The following IRS1 variants were observed in gnomAD, a reference collection of about 807,000 sequenced individuals.
The protein encoded by IRS1 is insulin receptor substrate 1.
Under a neutral mutation model 65.6 loss-of-function variants are expected in IRS1, and 34 were observed. The ratio of observed to expected loss-of-function variants is 0.52; its 90% CI spans 0.39 to 0.69. IRS1 has a LOEUF of 0.69. IRS1 is among the 30% of genes least tolerant of loss of function. The pLI, the probability that IRS1 is intolerant of heterozygous loss-of-function variation, is 0.00. For missense variants in IRS1, 1,641 were observed against 1,720.2 expected (o/e 0.95, Z 0.81); for synonymous variants, 699 against 683.5 (o/e 1.02, Z -0.35).
At chr2:226,772,627 A>ATG (rs1939186096) in intron 1 of IRS1, among the ~76,000 whole-genome samples, 1 of 151,928 alleles carries the variant, frequency 6.6e-6, no homozygotes, top group Admixed American at 6.6e-5. Context: ...CCTTATCAAG[A>ATG]CAGGAAAAAT....
intron 1 of IRS1, among the ~76,000 whole-genome samples, chr2:226,769,371 T>C (rs1020386456): frequency 2.6e-5 from 4 of 152,134 alleles, no homozygotes; most frequent in South Asian, 2.1e-4. Context: ...AAATAATCAG[T>C]GACCGGCAAG....
At position 226,795,453 on chromosome 2, in the gene IRS1, G is replaced by C. The variant is rs199554914; in HGVS notation, c.3286C>G (p.Arg1096Gly). Residue 1096 changes from arginine to glycine, a missense_variant, in exon 1 of 2, where the codon CGG becomes GGG. Arg to Gly is a moderately radical substitution (Grantham distance 125). Transcript: ENST00000305123. ...KVIRADPQGC[R>G]RRHSSETFSS... ...AAAGTCTCGGAGCTATGCCTCCGCC[G>C]GCACCCTTGTGGGTCTGCACGGATC... 2.2e-5 allele frequency: 36 copies of C among 1,613,414 alleles called. No individual in the cohort carries two copies. Among genetic ancestry groups the C allele is most frequent in the Non-Finnish European group, 3.1e-5 (36 of 1,180,038 alleles).
At chr2:226,782,018 T>C (rs902696154) in intron 1 of IRS1, among the ~76,000 whole-genome samples, 18 of 152,266 alleles carry the variant, frequency 1.2e-4, no homozygotes, top group East Asian at 1.2e-3. Context: ...TTTAAAAATG[T>C]AATATTAATA....
intron 1 of IRS1, among the ~76,000 whole-genome samples, chr2:226,756,313 C>T (rs1938800047): frequency 6.6e-6 from 1 of 152,126 alleles, no homozygotes; most frequent in African/African-American, 2.4e-5. Context: ...CATATATGCT[C>T]CTTTGAAGGT....
Position 226,794,805 on chromosome 2 carries a change from A to C in IRS1, c.*21+184T>G, listed in dbSNP as rs1473919178. 6.6e-6 allele frequency among the ~76,000 whole-genome samples: 1 copy of C among 152,062 alleles called. No individual in the cohort carries two copies. The highest frequency in any genetic ancestry group is 2.4e-5 in the African/African-American group (1 of 41,398). On this transcript the variant is annotated intron_variant, in intron 1 of 1. Transcript: ENST00000305123. This position sits in a 1 kb window ranked among gnomAD's most constrained non-coding sequence, Gnocchi z 4.1. ...AAAGCCCTCCTGTGGCTGCTCCTAC[A>C]TGTTTGTTTGACTCTCTGCCAGATG...
intron 1 of IRS1, among the ~76,000 whole-genome samples, chr2:226,737,099 C>G (rs1236872555): frequency 8.1e-6 from 1 of 122,802 alleles, no homozygotes; most frequent in Non-Finnish European, 1.7e-5. Flanking sequence ...CCCCTCCCCC[C>G]ACCCCACAAC....
intron 1 of IRS1, among the ~76,000 whole-genome samples, chr2:226,770,285 A>G (rs1448062506): frequency 6.6e-6 from 1 of 152,214 alleles, no homozygotes; most frequent in East Asian, 1.9e-4. Context: ...AGAATTTTTC[A>G]AAAGAAACTT....
intron 1 of IRS1, among the ~76,000 whole-genome samples, chr2:226,765,477 GGCCC>G (rs1204598628): frequency 6.6e-6 from 1 of 152,106 alleles, no homozygotes; most frequent in Non-Finnish European, 1.5e-5. Flanking sequence ...TTTTTATCGG[GGCCC>G]TGTGGGGAAT....
intron 1 of IRS1, among the ~76,000 whole-genome samples, chr2:226,745,200 T>C (rs902634743): frequency 6.6e-6 from 1 of 152,204 alleles, no homozygotes; most frequent in Non-Finnish European, 1.5e-5. Flanking sequence ...CAGAAGGCCA[T>C]ACACAGGCAG....
At chr2:226,791,787 C>T (rs952358982) in intron 1 of IRS1, among the ~76,000 whole-genome samples, 2 of 151,994 alleles carry the variant, frequency 1.3e-5, no homozygotes, top group African/African-American at 4.8e-5. Flanking sequence ...GCGGCTGTGC[C>T]CGAGGGCGGG....
At chr2:226,766,163 A>AT (rs5839180) in intron 1 of IRS1, among the ~76,000 whole-genome samples, 71 of 4,596 alleles carry the variant, frequency 0.015, 15 homozygotes, top group African/African-American at 0.026. Flanking sequence ...ATATATATAT[A>AT]TTTTTTTTTT....
Position 226,795,530 on chromosome 2 carries a change from C to T in IRS1, c.3209G>A (p.Ser1070Asn). The T allele has an allele frequency of 6.2e-7, 1 of 1,613,354 alleles. No homozygotes were observed. The highest frequency in any genetic ancestry group is 8.5e-7 in the Non-Finnish European group (1 of 1,180,022). The change falls in exon 1 of 2, where the codon AGC (serine) becomes AAC (asparagine). Residue 1070 changes from serine to asparagine, a missense_variant. Physicochemically the swap from Ser to Asn is conservative, Grantham distance 46. Coordinates refer to ENST00000305123, the MANE Select transcript of IRS1 (RefSeq NM_005544.3). Reference protein sequence around the residue: ...LGGPQGPGGMSAFTRVNLSPN... With the variant: ...LGGPQGPGGMNAFTRVNLSPN... The stretch of plus-strand genomic sequence containing the variant: ...ACTGAGGTTCACCCGGGTGAAGGCG[C>T]TCATGCCCCCAGGTCCTTGTGGGCC...
At chr2:226,754,897 A>G (rs1346392290) in intron 1 of IRS1, among the ~76,000 whole-genome samples, 4 of 152,218 alleles carry the variant, frequency 2.6e-5, no homozygotes, top group African/African-American at 4.8e-5. Flanking sequence ...CTCTTATTAT[A>G]TGTCCTCCTA....
At chr2:226,780,482 C>T (rs561004537) in intron 1 of IRS1, among the ~76,000 whole-genome samples, 16 of 152,248 alleles carry the variant, frequency 1.1e-4, no homozygotes, top group South Asian at 6.2e-4. Context: ...TTTCTCATTG[C>T]TTTTGATATC....
chr2:226,766,124 TATATATATA>T, intron 1 of IRS1, among the ~76,000 whole-genome samples: 1 of 3,584 alleles, frequency 2.8e-4, no homozygotes, highest in Non-Finnish European at 5.7e-4. Context: ...CTTAATCTTA[TATATATATA>T]TATATATATA....
chr2:226,733,165 T>C lies in IRS1; in HGVS notation c.*3107A>G, dbSNP rs536141363. The C allele has an allele frequency of 1.4e-4, 21 of 152,342 alleles. No homozygotes were observed. The South Asian group carries it at 3.5e-3, about 26-fold the overall frequency. The allele number at this position is 152,342 out of a possible 1,614,324, so 9.4% of individuals were successfully genotyped here. A position where few individuals can be genotyped will look rare whatever the true frequency, so the allele number is the denominator to read the frequency against. On this transcript the variant is annotated 3_prime_UTR_variant, in exon 2 of 2. Coordinates refer to ENST00000305123, the MANE Select transcript of IRS1 (RefSeq NM_005544.3). ...ATTGAATAAAACAGGGCTTCAGTAT[T>C]GTAAAATACTGTTTCTTACCATACA... is the stretch of plus-strand genomic sequence containing the variant.
rs759315020 is a variant in IRS1 at position 226,797,017 on chromosome 2, G to A, written c.1722C>T (p.Ser574=). The A allele has an allele frequency of 2.6e-5, 42 of 1,604,290 alleles. No individual in the cohort carries two copies. Among genetic ancestry groups the A allele is most frequent in the Admixed American group, 3.3e-5 (2 of 59,734 alleles). ...SGGRLPGHRH[S]AFVPTRSYPE... is the part of the protein sequence containing the mutation. ...GGTAGGAGCGGGTGGGCACGAAGGC[G>A]GAGTGCCTGTGTCCCGGCAGTCGGC... The change falls in exon 1 of 2, where the codon TCC becomes TCT. Residue 574 remains serine, a synonymous_variant. Transcript: ENST00000305123. This position sits in a 1 kb window ranked among gnomAD's most constrained non-coding sequence, Gnocchi z 8.1.
intron 1 of IRS1, among the ~76,000 whole-genome samples, chr2:226,771,628 A>G (rs1279230220): frequency 6.6e-6 from 1 of 151,986 alleles, no homozygotes; most frequent in Non-Finnish European, 1.5e-5. Flanking sequence ...TACATATAAT[A>G]TACTTAAACA....
intron 1 of IRS1, among the ~76,000 whole-genome samples, chr2:226,777,136 C>A (rs1172799422): frequency 6.6e-6 from 1 of 152,110 alleles, no homozygotes; most frequent in Non-Finnish European, 1.5e-5. Context: ...AACTGAGGAA[C>A]TCTGAATAAA....
Sources: allele counts gnomAD v4.1 joint callset (sites outside exome capture counted in the v4.1 genomes callset), GRCh38; gene constraint gnomAD v4.1.1; non-coding constraint Gnocchi (gnomAD v3.1); transcripts MANE v1.5; gene names NCBI Gene and HGNC (gene_info 2026-07-23, HGNC 2026-07-21).